The following ZFAT variants were observed in gnomAD, a reference collection of about 807,000 sequenced individuals.
ZFAT encodes the protein zinc finger and AT-hook domain containing.
A neutral mutation model predicts 117.7 loss-of-function variants in ZFAT; 64 were observed. The ratio of observed to expected loss-of-function variants is 0.54; its 90% CI spans 0.44 to 0.67. The LOEUF is 0.67. Among genes scored for constraint, ZFAT ranks in the 30% least tolerant of loss-of-function variants. ZFAT has a pLI of 0.00. For missense variants in ZFAT, 1,433 were observed against 1,584.5 expected, an observed-to-expected ratio of 0.90 and a Z score of 1.62; for synonymous variants, 679 against 615.0, an observed-to-expected ratio of 1.10 and a Z score of -1.54.
At chr8:134,515,124 C>A (rs571984524) in intron 13 of ZFAT, among the ~76,000 whole-genome samples, 1 of 152,268 alleles carries the variant, frequency 6.6e-6, no homozygotes, top group South Asian at 2.1e-4. Flanking sequence ...CATGTGCCTG[C>A]AAAGGACATG....
At chr8:134,569,534 G>A (rs568832089) in intron 10 of ZFAT, among the ~76,000 whole-genome samples, 3 of 152,022 alleles carry the variant, frequency 2.0e-5, no homozygotes, top group Non-Finnish European at 4.4e-5. Context: ...GCCAGTTGCA[G>A]GGGAACTATG....
the ZFAT span, among the ~76,000 whole-genome samples, chr8:134,743,194 A>T: frequency 6.6e-6 from 1 of 152,198 alleles, no homozygotes; most frequent in African/African-American, 2.4e-5. Context: ...GCCAATCTAA[A>T]TTAAGGAAAA....
chr8:134,509,834 C>A, intron 14 of ZFAT, 85 bp from the exon 15 acceptor site: 1 of 1,502,186 alleles, frequency 6.7e-7, no homozygotes, highest in East Asian at 2.3e-5. Context: ...TCTGTTCTCT[C>A]GGGTGACGCC....
intron 11 of ZFAT, among the ~76,000 whole-genome samples, chr8:134,561,899 C>T (rs1018439079): frequency 6.6e-6 from 1 of 152,176 alleles, no homozygotes; most frequent in Non-Finnish European, 1.5e-5. Flanking sequence ...GTATGGTTGG[C>T]AGAATAATGG....
chr8:134,736,349 A>G, the ZFAT span, among the ~76,000 whole-genome samples: 1 of 152,160 alleles, frequency 6.6e-6, no homozygotes, highest in East Asian at 1.9e-4. Context: ...CAAAGTAGAT[A>G]TGTTCACATA....
chr8:134,535,574 G>A (rs932933249), intron 11 of ZFAT, among the ~76,000 whole-genome samples: 2 of 147,364 alleles, frequency 1.4e-5, no homozygotes, highest in African/African-American at 2.5e-5. Flanking sequence ...CAGGGACTTC[G>A]CCCTACACCA....
chr8:134,716,321 C>CATATAAAAGAGAAGGATGTAGTA (rs1814211656), upstream of ZFAT, among the ~76,000 whole-genome samples: 1 of 151,974 alleles, frequency 6.6e-6, no homozygotes, highest in Non-Finnish European at 1.5e-5. Flanking sequence ...ACTTAAAAAT[C>CATATAAAAGAGAAGGATGTAGTA]ATATAAAAGA....
the ZFAT span, chr8:134,784,365 GA>G: frequency 3.9e-5 from 6 of 151,986 alleles, no homozygotes; most frequent in African/African-American, 1.5e-4. Context: ...ATATATTAAT[GA>G]CAAAGTTATG....
the ZFAT span, chr8:134,798,203 C>T: frequency 6.6e-6 from 1 of 151,912 alleles, no homozygotes; most frequent in Non-Finnish European, 1.5e-5. Flanking sequence ...CAAATGCTCA[C>T]CAAATAATTA....
chr8:134,783,377 T>G, the ZFAT span, among the ~76,000 whole-genome samples: 2 of 152,084 alleles, frequency 1.3e-5, no homozygotes, highest in Non-Finnish European at 2.9e-5. Flanking sequence ...GTGGTCTCTG[T>G]GAACTGCACA....
chr8:134,729,476 C>T, the ZFAT span, among the ~76,000 whole-genome samples: 6 of 152,158 alleles, frequency 3.9e-5, no homozygotes, highest in South Asian at 2.1e-4. Flanking sequence ...GGACTACAGG[C>T]GCCTGCCACC....
chr8:134,597,251 T>C (rs368503658), intron 7 of ZFAT, among the ~76,000 whole-genome samples: 41 of 152,218 alleles, frequency 2.7e-4, no homozygotes, highest in African/African-American at 6.7e-4. Flanking sequence ...ACAAAAATAA[T>C]TTGCAGGCTC....
At chr8:134,668,469 C>T (rs998472066) in intron 1 of ZFAT, among the ~76,000 whole-genome samples, 16 of 152,226 alleles carry the variant, frequency 1.1e-4, no homozygotes, top group Non-Finnish European at 8.8e-5. Flanking sequence ...CTGCAGCTTC[C>T]GCTGCTAATA....
intron 3 of ZFAT, among the ~76,000 whole-genome samples, chr8:134,631,758 C>G (rs114372615): frequency 6.6e-6 from 1 of 152,196 alleles, no homozygotes; most frequent in South Asian, 2.1e-4. Flanking sequence ...CAGCAAGCCA[C>G]GCGCACTCAA....
intron 1 of ZFAT, among the ~76,000 whole-genome samples, chr8:134,694,706 C>T (rs1370270937): frequency 6.6e-6 from 1 of 152,156 alleles, no homozygotes; most frequent in Admixed American, 6.5e-5. Context: ...TGGTCTTTTA[C>T]TTGCAGAAAC....
intron 1 of ZFAT, among the ~76,000 whole-genome samples, chr8:134,691,399 G>A (rs189583185): frequency 2.6e-4 from 39 of 152,338 alleles, no homozygotes; most frequent in African/African-American, 8.9e-4. Flanking sequence ...GCGCCTCCAC[G>A]GACACAGTGT....
At chr8:134,571,436 C>T (rs185986215) in intron 10 of ZFAT, among the ~76,000 whole-genome samples, 37 of 134,652 alleles carry the variant, frequency 2.7e-4, no homozygotes, top group Admixed American at 2.5e-3. Context: ...ATAAATGCCC[C>T]GTGGCGACTT....
chr8:134,695,943 C>T (rs1178675263), intron 1 of ZFAT, among the ~76,000 whole-genome samples: 1 of 151,936 alleles, frequency 6.6e-6, no homozygotes, highest in Non-Finnish European at 1.5e-5. Context: ...GCCCTACCCG[C>T]ATCTCTAACC....
chr8:134,481,968 T>C (rs562740509), intron 15 of ZFAT, among the ~76,000 whole-genome samples: 5 of 151,994 alleles, frequency 3.3e-5, no homozygotes, highest in Non-Finnish European at 7.4e-5. Flanking sequence ...CCAAACCCAC[T>C]GGGCAGAGTC....
Sources: gnomAD v4.1 joint callset for allele counts (sites outside exome capture counted in the v4.1 genomes callset) on GRCh38, gnomAD v4.1.1 for gene constraint, MANE v1.5 for transcripts, NCBI Gene and HGNC (gene_info 2026-07-23, HGNC 2026-07-21) for gene names.